Variants in TCAF1 observed in about 807,000 individuals in gnomAD.
The protein encoded by TCAF1 is TRPM8 channel associated factor 1.
TCAF1 carries 4 observed loss-of-function variants against 27.3 expected under a neutral mutation model. That is an observed-to-expected ratio of 0.15 (90% CI 0.07 to 0.34). The LOEUF (loss-of-function observed/expected upper bound fraction) is 0.34. TCAF1 is among the 10% of genes least tolerant of loss of function. The probability of loss-of-function intolerance (pLI) is 1.00; values close to 1 mark genes in which losing one functional copy is unlikely to be tolerated. For missense variants in TCAF1, 257 were observed against 425.8 expected (o/e 0.60, Z 3.49); for synonymous variants, 105 against 167.1 (o/e 0.63, Z 2.87).
chr7:143,883,468 C>T (rs1813193104), intron 1 of TCAF1, among the ~76,000 whole-genome samples: 1 of 147,562 alleles, frequency 6.8e-6, no homozygotes, highest in African/African-American at 2.5e-5. Context: ...TTTCGGTGTA[C>T]AGTTCAAATC....
chr7:143,882,745 C>T, intron 1 of TCAF1: 1 of 985,916 alleles, frequency 1.0e-6, no homozygotes, highest in South Asian at 4.7e-5. Flanking sequence ...CCAGGTCACC[C>T]TGCGATTTCC....
At chr7:143,877,199 G>T (rs1210924059) in intron 1 of TCAF1, among the ~76,000 whole-genome samples, 1 of 152,126 alleles carries the variant, frequency 6.6e-6, no homozygotes, top group East Asian at 1.9e-4. Context: ...CTGACACCTG[G>T]ACTTCAAACT....
chr7:143,874,806 A>C (rs1037334207), intron 2 of TCAF1, among the ~76,000 whole-genome samples: 12 of 152,132 alleles, frequency 7.9e-5, no homozygotes, highest in Non-Finnish European at 1.3e-4. Context: ...TTTGTTTCCA[A>C]GTCTTGTAAT....
chr7:143,898,064 T>C (rs1309432407), intron 1 of TCAF1, among the ~76,000 whole-genome samples: 1 of 152,112 alleles, frequency 6.6e-6, no homozygotes, highest in Admixed American at 6.5e-5. Context: ...AGAAATTAAA[T>C]ACTATACTTT....
intron 1 of TCAF1, chr7:143,882,231 C>T: frequency 4.8e-6 from 1 of 207,988 alleles, no homozygotes; most frequent in Non-Finnish European, 8.4e-6. Flanking sequence ...AACGCTCACT[C>T]AAGTCTCCAG....
intron 1 of TCAF1, among the ~76,000 whole-genome samples, chr7:143,887,253 A>G (rs1420352500): frequency 2.0e-5 from 3 of 152,208 alleles, no homozygotes; most frequent in African/African-American, 7.2e-5. Context: ...ATGAACAATT[A>G]AAAATCCATA....
intron 1 of TCAF1, among the ~76,000 whole-genome samples, chr7:143,879,040 T>G (rs1812871768): frequency 6.6e-6 from 1 of 152,208 alleles, no homozygotes; most frequent in African/African-American, 2.4e-5. Context: ...GGCTGCTCCC[T>G]GGCTTTTCCT....
At chr7:143,869,637 A>G (rs1465178142) in intron 2 of TCAF1, among the ~76,000 whole-genome samples, 1 of 149,004 alleles carries the variant, frequency 6.7e-6, no homozygotes, top group Non-Finnish European at 1.5e-5. Context: ...AATGTTTGAT[A>G]AAATTCATCA....
intron 1 of TCAF1, among the ~76,000 whole-genome samples, chr7:143,899,397 A>T (rs1400426057): frequency 6.6e-6 from 1 of 152,214 alleles, no homozygotes; most frequent in African/African-American, 2.4e-5. Flanking sequence ...CTTAAAACGA[A>T]TTCATGCTTA....
At chr7:143,880,060 C>G (rs2116798309) in intron 1 of TCAF1, among the ~76,000 whole-genome samples, 1 of 152,274 alleles carries the variant, frequency 6.6e-6, no homozygotes, top group East Asian at 1.9e-4. Context: ...ATATGCAGAA[C>G]ATGAAGTCAT....
chr7:143,889,650 A>G (rs1813556853), intron 1 of TCAF1, among the ~76,000 whole-genome samples: 1 of 152,248 alleles, frequency 6.6e-6, no homozygotes, highest in African/African-American at 2.4e-5. Flanking sequence ...TGGTCCAGTC[A>G]AAGCAAAAGC....
chr7:143,875,072 G>A (rs747861982), intron 2 of TCAF1, among the ~76,000 whole-genome samples: 27 of 152,118 alleles, frequency 1.8e-4, no homozygotes, highest in Non-Finnish European at 4.0e-4. Context: ...CCCATGCCAA[G>A]GAGAAGTCAT....
At chr7:143,885,308 A>G in intron 1 of TCAF1, 1 of 985,382 alleles carries the variant, frequency 1.0e-6, no homozygotes, top group Non-Finnish European at 1.2e-6. Context: ...GGAATTTGCA[A>G]ATTGGTAGTG....
At position 143,883,213 on chromosome 7, in the gene TCAF1, G is replaced by A. The variant is rs190918469; in HGVS notation, c.-14-6591C>T. 3.0e-3 allele frequency among the ~76,000 whole-genome samples: 452 copies of A among 152,174 alleles called. 2 individuals are homozygous for A. The highest frequency in any genetic ancestry group is 0.01 in the African/African-American group (428 of 41,510). ...AATATACCGTGATATATTGCCAAGG[G>A]GAAAATACAAATTGTAGAAATTGTT... On this transcript the variant is annotated intron_variant, in intron 1 of 8. Coordinates refer to ENST00000479870, the MANE Select transcript of TCAF1 (RefSeq NM_014719.3).
intron 1 of TCAF1, among the ~76,000 whole-genome samples, chr7:143,900,344 C>T (rs536406517): frequency 6.6e-6 from 1 of 152,174 alleles, no homozygotes; most frequent in East Asian, 1.9e-4. Flanking sequence ...AAGAATCTGA[C>T]TTCTGTCTTT....
chr7:143,886,423 A>T, intron 1 of TCAF1: 1 of 800,220 alleles, frequency 1.2e-6, no homozygotes, highest in Non-Finnish European at 1.5e-6. Flanking sequence ...CATATAAATT[A>T]AGGGTTTCAT....
intron 7 of TCAF1, 102 bp from the exon 8 acceptor site, chr7:143,857,452 T>C (rs1811582265): frequency 1.3e-6 from 2 of 1,482,838 alleles, no homozygotes; most frequent in African/African-American, 2.8e-5. Context: ...CCCTTACCCA[T>C]CAGCTTCACG....
At chr7:143,890,048 G>C (rs1296960511) in intron 1 of TCAF1, among the ~76,000 whole-genome samples, 1 of 151,642 alleles carries the variant, frequency 6.6e-6, no homozygotes, top group African/African-American at 2.4e-5. Context: ...GAGTGCAGTG[G>C]CTCGATCTCG....
intron 1 of TCAF1, among the ~76,000 whole-genome samples, chr7:143,890,811 G>T (rs1813607921): frequency 6.6e-6 from 1 of 152,180 alleles, no homozygotes; most frequent in African/African-American, 2.4e-5. Context: ...TTTTATATAT[G>T]AATTCCCCTA....
Sources: allele counts gnomAD v4.1 joint callset (sites outside exome capture counted in the v4.1 genomes callset), GRCh38; gene constraint gnomAD v4.1.1; transcripts MANE v1.5; gene names NCBI Gene and HGNC (gene_info 2026-07-23, HGNC 2026-07-21).